HHIP: variants seen among roughly 807,000 people sequenced by gnomAD.
The protein encoded by HHIP is hedgehog interacting protein, also known as hedgehog-interacting protein.
Under a neutral mutation model 74.0 loss-of-function variants are expected in HHIP, and 12 were observed. The ratio of observed to expected loss-of-function variants is 0.16; its 90% CI spans 0.10 to 0.26. HHIP has a LOEUF of 0.26. HHIP is among the 10% of genes least tolerant of loss of function. The pLI is 1.00. For synonymous variants in HHIP, 309 were observed against 311.6 expected (o/e 0.99, Z 0.09); for missense variants, 788 against 845.0 (o/e 0.93, Z 0.84).
chr4:144,658,756 G>T, intron 2 of HHIP, 34 bp from the exon 3 acceptor site: 3 of 1,565,680 alleles, frequency 1.9e-6, no homozygotes, highest in Non-Finnish European at 1.7e-6. Context: ...ATGACATTAG[G>T]TGCTTCTAAT....
At chr4:144,651,364 G>T (rs931519899) in intron 1 of HHIP, among the ~76,000 whole-genome samples, 2 of 151,892 alleles carry the variant, frequency 1.3e-5, no homozygotes, top group Non-Finnish European at 2.9e-5. Context: ...TAAAATTTCA[G>T]TATGCTTGTA....
chr4:144,717,374 A>C (rs1344770385), intron 10 of HHIP, among the ~76,000 whole-genome samples: 3 of 152,176 alleles, frequency 2.0e-5, no homozygotes, highest in Non-Finnish European at 4.4e-5. Context: ...ATTGCTTTGT[A>C]CTTTCATTTT....
chr4:144,654,627 C>T (rs1011693519), intron 2 of HHIP, among the ~76,000 whole-genome samples: 1 of 152,162 alleles, frequency 6.6e-6, no homozygotes, highest in African/African-American at 2.4e-5. Context: ...TGTAGGTTAC[C>T]ATTTCCTAAA....
Position 144,646,250 on chromosome 4 carries a change from C to CCGCCGT in HHIP, c.-419_-414dup, listed in dbSNP as rs1433403622. ...GGCCCTGCCTCCGCCTGCCCCGCCG[C>CCGCCGT]CGCCGTCGCCGTTTCTGTTCCTGCT... On this transcript the variant is annotated 5_prime_UTR_variant, in exon 1 of 13. Transcript: ENST00000296575. 1.8e-5 allele frequency: 3 copies of CCGCCGT among 166,320 alleles called. No homozygotes were observed. The highest frequency in any genetic ancestry group is 7.2e-5 in the African/African-American group (3 of 41,774). 10.3% of individuals were successfully genotyped at this position (166,320 alleles called of 1,614,324 possible). A position where few individuals can be genotyped will look rare whatever the true frequency, so the allele number is the denominator to read the frequency against.
chr4:144,739,644 T>G lies in HHIP; in HGVS notation c.*1687T>G, dbSNP rs972738764. ...ATGATTACTTAAGTTTCAAGTGACCTCATGCCAAATGGAAATGGGTTGAGA... is the reference window on the plus strand; with the variant it reads ...ATGATTACTTAAGTTTCAAGTGACCGCATGCCAAATGGAAATGGGTTGAGA... On this transcript the variant is annotated 3_prime_UTR_variant, in exon 13 of 13. Transcript: ENST00000296575. 6.6e-6 allele frequency: 1 copy of G among 152,220 alleles called. No individual in the cohort carries two copies. Among genetic ancestry groups the G allele is most frequent in the Non-Finnish European group, 1.5e-5 (1 of 68,040 alleles). 9.4% of individuals were successfully genotyped at this position (152,220 alleles called of 1,614,324 possible). A position where few individuals can be genotyped will look rare whatever the true frequency, so the allele number is the denominator to read the frequency against.
intron 4 of HHIP, among the ~76,000 whole-genome samples, chr4:144,689,292 G>A (rs1560707205): frequency 1.3e-5 from 2 of 152,150 alleles, no homozygotes; most frequent in African/African-American, 4.8e-5. Context: ...TTTTGTACTT[G>A]CTAGTTTATT....
chr4:144,714,837 G>A (rs1399398561), intron 9 of HHIP, among the ~76,000 whole-genome samples: 1 of 152,104 alleles, frequency 6.6e-6, no homozygotes, highest in Non-Finnish European at 1.5e-5. Context: ...GTCACATTGT[G>A]GATAATTGTA....
chr4:144,670,473 C>G lies in HHIP; in HGVS notation c.831+10635C>G, dbSNP rs867976361. Among the ~76,000 whole-genome samples, 3 of 131,824 alleles carry G rather than the reference C, an allele frequency of 2.3e-5. 1 individual carries two copies. Among genetic ancestry groups the G allele is most frequent in the Admixed American group, 7.7e-5 (1 of 13,034 alleles). The allele number at this position is 131,824 out of a possible 152,430, so 86.5% of individuals were successfully genotyped here. A position where few individuals can be genotyped will look rare whatever the true frequency, so the allele number is the denominator to read the frequency against. On this transcript the variant is annotated intron_variant, in intron 4 of 12. Coordinates refer to ENST00000296575, the MANE Select transcript of HHIP (RefSeq NM_022475.3). The stretch of plus-strand genomic sequence containing the variant: ...AGACTGTCAAAAAAAAAAAAAAAAG[C>G]TAAATTATTTACTTTTAGTTTGGTG...
chr4:144,738,309 G>A lies in HHIP; in HGVS notation c.*352G>A, dbSNP rs1048051080. The A allele has an allele frequency of 1.4e-5, 14 of 981,436 alleles. No individual in the cohort carries two copies. Among genetic ancestry groups the A allele is most frequent in the Non-Finnish European group, 1.6e-5 (13 of 825,392 alleles). 60.8% of individuals were successfully genotyped at this position (981,436 alleles called of 1,614,324 possible). A position where few individuals can be genotyped will look rare whatever the true frequency, so the allele number is the denominator to read the frequency against. On this transcript the variant is annotated 3_prime_UTR_variant, in exon 13 of 13. Transcript: ENST00000296575. ...TTGACTTCCCAGGAATTTTCTGTCT[G>A]TAATCACTAAAGTCAACTTTAATAG...
intron 9 of HHIP, among the ~76,000 whole-genome samples, chr4:144,714,653 C>T (rs1228555175): frequency 6.6e-6 from 1 of 151,908 alleles, no homozygotes; most frequent in Non-Finnish European, 1.5e-5. Flanking sequence ...TTTACCATGA[C>T]AATAAATAAT....
At chr4:144,682,899 TGA>T in intron 4 of HHIP, among the ~76,000 whole-genome samples, 1 of 152,258 alleles carries the variant, frequency 6.6e-6, no homozygotes, top group East Asian at 1.9e-4. Flanking sequence ...TTTAGTTTAA[TGA>T]GAGCAAATTC....
At chr4:144,734,941 G>A in intron 12 of HHIP, 52 bp downstream of exon 12, 2 of 1,520,512 alleles carry the variant, frequency 1.3e-6, no homozygotes, top group Non-Finnish European at 1.8e-6. Flanking sequence ...CCAATCCTTA[G>A]GTACTCAAGA....
At chr4:144,662,390 C>T (rs1408676733) in intron 4 of HHIP, among the ~76,000 whole-genome samples, 1 of 152,170 alleles carries the variant, frequency 6.6e-6, no homozygotes, top group African/African-American at 2.4e-5. Context: ...ACACCAAGAT[C>T]GTGCTGCCTA....
chr4:144,653,842 A>G (rs566646680), intron 2 of HHIP, among the ~76,000 whole-genome samples: 12 of 152,262 alleles, frequency 7.9e-5, no homozygotes, highest in South Asian at 4.1e-4. Context: ...CATAACATAT[A>G]TCTAAACCCA....
At chr4:144,713,899 TTAAG>T (rs1452394487) in intron 8 of HHIP, among the ~76,000 whole-genome samples, 1 of 152,156 alleles carries the variant, frequency 6.6e-6, no homozygotes, top group Admixed American at 6.5e-5. Context: ...TGTTTTTTTT[TTAAG>T]TATTTTGGTT....
intron 4 of HHIP, among the ~76,000 whole-genome samples, chr4:144,679,962 T>C (rs1397736876): frequency 6.6e-6 from 1 of 152,192 alleles, no homozygotes; most frequent in Non-Finnish European, 1.5e-5. Context: ...TGTTGGAGAA[T>C]GTGTGTGCTT....
rs555904814 is a variant in HHIP, at chr4:144,649,092, A to G, written c.279+2138A>G. On this transcript the variant is annotated intron_variant, in intron 1 of 12. Transcript: ENST00000296575. ...TTTTCAAGTTTTAATAGTTTTTAAA[A>G]CATGTTATTTTATAATAAACTTCAG... Among the ~76,000 whole-genome samples, 14 of 152,298 alleles carry G rather than the reference A, an allele frequency of 9.2e-5. No individual in the cohort carries two copies. In the South Asian group the frequency reaches 2.7e-3, roughly 29 times the overall value.
At chr4:144,692,994 C>A (rs983764124) in intron 4 of HHIP, among the ~76,000 whole-genome samples, 1 of 152,236 alleles carries the variant, frequency 6.6e-6, no homozygotes, top group Admixed American at 6.5e-5. Context: ...GACATGGAAG[C>A]AACTGGCATA....
chr4:144,736,248 G>A (rs577970910), intron 12 of HHIP, among the ~76,000 whole-genome samples: 16 of 148,174 alleles, frequency 1.1e-4, no homozygotes, highest in African/African-American at 3.2e-4. Context: ...TGATTCTCCC[G>A]CCTCAGCTTC....
Sources: gnomAD v4.1 joint callset for allele counts (sites outside exome capture counted in the v4.1 genomes callset) on GRCh38, gnomAD v4.1.1 for gene constraint, MANE v1.5 for transcripts, NCBI Gene and HGNC (gene_info 2026-07-23, HGNC 2026-07-21) for gene names.